The following SRPK2 variants were observed in gnomAD, a reference collection of about 807,000 sequenced individuals.
SRPK2 encodes the protein SFRS protein kinase 2.
SRPK2 carries 21 observed loss-of-function variants against 90.8 expected under a neutral mutation model. The observed-to-expected ratio is 0.23, with a 90% confidence interval of 0.16 to 0.33. The LOEUF (loss-of-function observed/expected upper bound fraction) is 0.33, where lower values mean the gene tolerates loss of function less well. Among genes scored for constraint, SRPK2 ranks in the 10% least tolerant of loss-of-function variants. SRPK2 has a pLI of 1.00. For synonymous variants in SRPK2, 288 were observed against 311.1 expected, an observed-to-expected ratio of 0.93 and a Z score of 0.78; for missense variants, 620 against 869.0, an observed-to-expected ratio of 0.71 and a Z score of 3.60.
intron 2 of SRPK2, among the ~76,000 whole-genome samples, chr7:105,215,119 A>G (rs1451448172): frequency 6.6e-6 from 1 of 152,236 alleles, no homozygotes; most frequent in Admixed American, 6.5e-5. Context: ...TGGGGACGGA[A>G]CAACCGAATA....
chr7:105,181,998 G>A (rs1045987768), intron 3 of SRPK2, among the ~76,000 whole-genome samples: 3 of 151,772 alleles, frequency 2.0e-5, no homozygotes, highest in African/African-American at 7.3e-5. Context: ...GGGGGCCAAG[G>A]CGGGTGGATC....
At chr7:105,274,337 G>A (rs909642386) in intron 2 of SRPK2, among the ~76,000 whole-genome samples, 65 of 152,060 alleles carry the variant, frequency 4.3e-4, no homozygotes, top group African/African-American at 1.4e-3. Context: ...CCACGTGGGC[G>A]GATCATTTGA....
chr7:105,266,648 T>C (rs115871973), intron 2 of SRPK2, among the ~76,000 whole-genome samples: 2,176 of 150,620 alleles, frequency 0.014, 28 homozygotes, highest in African/African-American at 0.037. Context: ...ATTAACTTAT[T>C]TTTTTTTTAA....
chr7:105,126,808 T>C (rs1801279513), intron 14 of SRPK2, among the ~76,000 whole-genome samples, 185 bp downstream of exon 14: 1 of 152,192 alleles, frequency 6.6e-6, no homozygotes, highest in Non-Finnish European at 1.5e-5. Flanking sequence ...GTGCTGCCTG[T>C]GCTAGGCAGG....
intron 11 of SRPK2, 121 bp downstream of exon 11, chr7:105,141,886 TA>T: frequency 1.8e-6 from 2 of 1,100,418 alleles, no homozygotes; most frequent in African/African-American, 1.6e-5. Flanking sequence ...ATAAAAGTAA[TA>T]AAACTGATCA....
intron 2 of SRPK2, among the ~76,000 whole-genome samples, chr7:105,327,378 A>C (rs1487214959): frequency 6.6e-6 from 1 of 152,202 alleles, no homozygotes; most frequent in Non-Finnish European, 1.5e-5. Context: ...GGCAGAGTTA[A>C]GCAGTTACAA....
At chr7:105,216,817 CTGAATACCTG>C (rs1483552196) in intron 2 of SRPK2, among the ~76,000 whole-genome samples, 1 of 152,170 alleles carries the variant, frequency 6.6e-6, no homozygotes, top group Non-Finnish European at 1.5e-5. Context: ...CTAGGTTAGG[CTGAATACCTG>C]TTCCATCACT....
chr7:105,170,802 A>AC (rs1790760263), intron 3 of SRPK2, among the ~76,000 whole-genome samples: 1 of 97,014 alleles, frequency 1.0e-5, no homozygotes, highest in Non-Finnish European at 2.1e-5. Context: ...GGAGGGAGGG[A>AC]GGGAGAGAGA....
At chr7:105,260,733 G>C (rs552518736) in intron 2 of SRPK2, among the ~76,000 whole-genome samples, 2 of 152,290 alleles carry the variant, frequency 1.3e-5, no homozygotes, top group South Asian at 4.1e-4. Context: ...GTCCTTTGCA[G>C]AGACATGGAT....
upstream of SRPK2, chr7:105,389,221 G>T: frequency 1.7e-6 from 2 of 1,204,022 alleles, no homozygotes; most frequent in Non-Finnish European, 1.1e-6. Context: ...CTCCCTCCCC[G>T]CCGCGGCCTC....
intron 2 of SRPK2, among the ~76,000 whole-genome samples, chr7:105,385,235 C>T (rs1249850202): frequency 1.5e-5 from 2 of 129,128 alleles, no homozygotes; most frequent in African/African-American, 3.0e-5. Context: ...AGCTGGAGTG[C>T]AGTGGCACAA....
chr7:105,295,549 T>C (rs1414190738), intron 2 of SRPK2, among the ~76,000 whole-genome samples: 3 of 152,184 alleles, frequency 2.0e-5, no homozygotes, highest in African/African-American at 7.2e-5. Flanking sequence ...TAACTCTGCT[T>C]ATATGTGGTA....
intron 2 of SRPK2, among the ~76,000 whole-genome samples, chr7:105,376,882 TACACACACACAC>T (rs34080086): frequency 1.7e-5 from 2 of 121,000 alleles, no homozygotes; most frequent in Non-Finnish European, 3.3e-5. Context: ...TTTTCTCCTT[TACACACACACAC>T]ACACACACAC....
chr7:105,152,153 C>G (rs1805787808), intron 7 of SRPK2, among the ~76,000 whole-genome samples: 1 of 151,666 alleles, frequency 6.6e-6, no homozygotes. Context: ...TTTTGAACTA[C>G]TTTTTTCTTT....
At chr7:105,396,363 G>A (rs1294650956) in intron 1 of SRPK2, among the ~76,000 whole-genome samples, 5 of 151,712 alleles carry the variant, frequency 3.3e-5, no homozygotes, top group Admixed American at 6.6e-5. Flanking sequence ...ATAGCCAGGC[G>A]TGGTGGCTTC....
At chr7:105,180,198 A>C (rs1792585372) in intron 3 of SRPK2, among the ~76,000 whole-genome samples, 1 of 152,178 alleles carries the variant, frequency 6.6e-6, no homozygotes, top group African/African-American at 2.4e-5. Context: ...ACAGTAACCA[A>C]AACAGCATGG....
chr7:105,292,954 C>T (rs746061354), intron 2 of SRPK2, among the ~76,000 whole-genome samples: 1 of 152,170 alleles, frequency 6.6e-6, no homozygotes, highest in South Asian at 2.1e-4. Flanking sequence ...AAGTGATTAG[C>T]TCTACAACTG....
At chr7:105,171,139 T>C (rs927420534) in intron 3 of SRPK2, among the ~76,000 whole-genome samples, 2 of 151,850 alleles carry the variant, frequency 1.3e-5, no homozygotes, top group Non-Finnish European at 2.9e-5. Context: ...GGCACCCTAT[T>C]AAGGTAGATT....
At chr7:105,211,545 G>A (rs756593719) in intron 2 of SRPK2, among the ~76,000 whole-genome samples, 25 of 152,102 alleles carry the variant, frequency 1.6e-4, no homozygotes, top group Non-Finnish European at 3.4e-4. Flanking sequence ...CAGTGTGGGA[G>A]CAGTAACAGG....
Sources: allele counts gnomAD v4.1 joint callset (sites outside exome capture counted in the v4.1 genomes callset), GRCh38; gene constraint gnomAD v4.1.1; transcripts MANE v1.5; gene names NCBI Gene and HGNC (gene_info 2026-07-23, HGNC 2026-07-21).